Variants in PLD5 observed in about 807,000 individuals in gnomAD.
PLD5 encodes inactive phospholipase D5.
Under a neutral mutation model 61.1 loss-of-function variants are expected in PLD5, and 36 were observed. That is an observed-to-expected ratio of 0.59 (90% CI 0.45 to 0.78). PLD5 has a LOEUF of 0.78. Among genes scored for constraint, PLD5 ranks in the 30% least tolerant of loss-of-function variants. The pLI is 0.00. For synonymous variants in PLD5, 243 were observed against 242.8 expected, an observed-to-expected ratio of 1.00 and a Z score of -0.01; for missense variants, 515 against 644.4, an observed-to-expected ratio of 0.80 and a Z score of 2.17.
intron 4 of PLD5, among the ~76,000 whole-genome samples, chr1:242,248,140 A>G (rs1672494198): frequency 6.6e-6 from 1 of 152,374 alleles, no homozygotes; most frequent in South Asian, 2.1e-4. Context: ...ATTTTGTTAT[A>G]TAGTTACTTT....
At chr1:242,487,273 A>G (rs1667996499) in intron 1 of PLD5, among the ~76,000 whole-genome samples, 1 of 152,184 alleles carries the variant, frequency 6.6e-6, no homozygotes, top group Admixed American at 6.6e-5. Context: ...AGAATATACT[A>G]TTTGGTAGTA....
rs144993945 is a variant in PLD5 at position 242,475,178 on chromosome 1, G to A, written c.189+48910C>T. Among the ~76,000 whole-genome samples the A allele has an allele frequency of 4.2e-3, 639 of 152,250 alleles. 2 individuals are homozygous for A. The highest frequency in any genetic ancestry group is 9.1e-3 in the South Asian group (44 of 4,822). Reference sequence around the variant, plus strand: ...TAACATAGAGATGCATGTGCGTGTAGGCACACACACGTGCGCACGCACACA... The same window carrying A: ...TAACATAGAGATGCATGTGCGTGTAAGCACACACACGTGCGCACGCACACA... On this transcript the variant is annotated intron_variant, in intron 1 of 9. Coordinates refer to ENST00000536534, the MANE Select transcript of PLD5 (RefSeq NM_001372062.1).
intron 1 of PLD5, chr1:242,365,776 T>C: frequency 4.7e-6 from 1 of 210,966 alleles, no homozygotes. Flanking sequence ...GCAGAATGTC[T>C]AGGCTTTATA....
At chr1:242,322,382 G>C (rs1452917840) in intron 2 of PLD5, among the ~76,000 whole-genome samples, 1 of 152,176 alleles carries the variant, frequency 6.6e-6, no homozygotes, top group African/African-American at 2.4e-5. Flanking sequence ...CACAGACTCT[G>C]TCAGGGCTGT....
rs539653977 is a variant in PLD5 at position 242,405,095 on chromosome 1, G to T, written c.190-56853C>A. 4.3e-4 allele frequency among the ~76,000 whole-genome samples: 65 copies of T among 151,918 alleles called. 1 individual carries two copies. Among genetic ancestry groups the T allele is most frequent in the African/African-American group, 1.5e-3 (61 of 41,428 alleles). On this transcript the variant is annotated intron_variant, in intron 1 of 9. Coordinates refer to ENST00000536534, the MANE Select transcript of PLD5 (RefSeq NM_001372062.1). ...GGAGTTTCACCAAGTTGACCAGGCTGGTCTTGAACTCCTGACCTCCAGTGA... is the reference window on the plus strand; with the variant it reads ...GGAGTTTCACCAAGTTGACCAGGCTTGTCTTGAACTCCTGACCTCCAGTGA...
chr1:242,180,021 T>A (rs868459379), intron 5 of PLD5, among the ~76,000 whole-genome samples: 6 of 152,190 alleles, frequency 3.9e-5, no homozygotes, highest in African/African-American at 1.2e-4. Context: ...CAGTGCACAC[T>A]CACTAAAATC....
intron 6 of PLD5, among the ~76,000 whole-genome samples, chr1:242,124,025 T>C (rs1033481665): frequency 5.3e-5 from 8 of 152,208 alleles, no homozygotes; most frequent in African/African-American, 1.9e-4. Flanking sequence ...TCCCTCAGAT[T>C]TGTCTCATCA....
rs911999928 is a variant in PLD5 at position 242,146,843 on chromosome 1, C to T, written c.736-22178G>A. The stretch of plus-strand genomic sequence containing the variant: ...GGTTTCATTTTCTCCATGGGAATCA[C>T]GGACTCACAGGAAGCCTTTTCTAAA... On this transcript the variant is annotated intron_variant, in intron 5 of 9. Coordinates refer to ENST00000536534, the MANE Select transcript of PLD5 (RefSeq NM_001372062.1). Among the ~76,000 whole-genome samples, 10 of 152,166 alleles carry T rather than the reference C, an allele frequency of 6.6e-5. No individual in the cohort carries two copies. In the East Asian group the frequency reaches 9.6e-4, roughly 15 times the overall value.
At chr1:242,512,667 A>G (rs1164855991) in intron 1 of PLD5, among the ~76,000 whole-genome samples, 2 of 152,214 alleles carry the variant, frequency 1.3e-5, no homozygotes, top group Admixed American at 1.3e-4. Flanking sequence ...ACCATAAACA[A>G]TAACACTGGA....
At chr1:242,227,914 C>T (rs1671057443) in intron 4 of PLD5, among the ~76,000 whole-genome samples, 1 of 152,184 alleles carries the variant, frequency 6.6e-6, no homozygotes, top group Non-Finnish European at 1.5e-5. Flanking sequence ...AATGCATCAT[C>T]CCAGGATACC....
chr1:242,161,123 G>A (rs1471960941), intron 5 of PLD5, among the ~76,000 whole-genome samples: 2 of 151,902 alleles, frequency 1.3e-5, no homozygotes, highest in Non-Finnish European at 2.9e-5. Context: ...CTATTAGTCT[G>A]TTCTTACGCT....
intron 7 of PLD5, among the ~76,000 whole-genome samples, chr1:242,113,531 A>C (rs6663723): frequency 0.86 from 130,733 of 152,274 alleles, 56,450 homozygotes; most frequent in African/African-American, 0.95. Flanking sequence ...TCAGGTATAT[A>C]CTTGTTAATA....
chr1:242,314,521 T>C (rs891093179), intron 2 of PLD5, among the ~76,000 whole-genome samples: 3 of 152,200 alleles, frequency 2.0e-5, no homozygotes, highest in African/African-American at 7.2e-5. Flanking sequence ...CCAGGAAAAC[T>C]CCTTCTCTCC....
intron 1 of PLD5, among the ~76,000 whole-genome samples, chr1:242,409,066 A>AAAAAAAAAG (rs1553369982): frequency 1.0e-5 from 1 of 98,800 alleles, no homozygotes; most frequent in Admixed American, 9.6e-5. Context: ...GACTCCTCTC[A>AAAAAAAAAG]AAAAAAAAAG....
Position 242,233,149 on chromosome 1 carries a change from G to C in PLD5, c.608-13034C>G, listed in dbSNP as rs1211950705. On this transcript the variant is annotated intron_variant, in intron 4 of 9. Transcript: ENST00000536534. ...AGTCTGGGTGACAGAGCAAGATTCT[G>C]ACTCAAATGAATGAATGAATGAATG... is the stretch of plus-strand genomic sequence containing the variant. Among the ~76,000 whole-genome samples the C allele has an allele frequency of 1.2e-4, 16 of 130,238 alleles. 1 individual carries two copies. In the South Asian group the frequency reaches 4.1e-3, roughly 33 times the overall value. 85.4% of individuals were successfully genotyped at this position (130,238 alleles called of 152,430 possible).
intron 2 of PLD5, among the ~76,000 whole-genome samples, chr1:242,335,221 C>T (rs1659432760): frequency 6.6e-6 from 1 of 151,956 alleles, no homozygotes; most frequent in Non-Finnish European, 1.5e-5. Flanking sequence ...TGACCCCTTA[C>T]TAGGGTAGAT....
At chr1:242,269,611 A>G (rs990707879) in intron 3 of PLD5, among the ~76,000 whole-genome samples, 4 of 151,742 alleles carry the variant, frequency 2.6e-5, no homozygotes, top group African/African-American at 9.7e-5. Context: ...CAAAGAAACA[A>G]GACTCAAGGA....
chr1:242,439,978 C>T (rs1666196783), intron 1 of PLD5, among the ~76,000 whole-genome samples: 1 of 152,250 alleles, frequency 6.6e-6, no homozygotes, highest in Non-Finnish European at 1.5e-5. Flanking sequence ...GTACTAAATA[C>T]CTCCTGGGTG....
At chr1:242,211,657 G>C (rs1284050726) in intron 5 of PLD5, among the ~76,000 whole-genome samples, 1 of 152,104 alleles carries the variant, frequency 6.6e-6, no homozygotes, top group Non-Finnish European at 1.5e-5. Context: ...AGGTCTGTAG[G>C]ACAGACCCCC....
Sources: gnomAD v4.1 joint callset for allele counts (sites outside exome capture counted in the v4.1 genomes callset) on GRCh38, gnomAD v4.1.1 for gene constraint, MANE v1.5 for transcripts, NCBI Gene and HGNC (gene_info 2026-07-23, HGNC 2026-07-21) for gene names.